The following EXOC6 variants were observed in gnomAD, a reference collection of about 807,000 sequenced individuals.
The protein encoded by EXOC6 is exocyst complex component 6.
EXOC6 carries 60 observed loss-of-function variants against 112.5 expected under a neutral mutation model. That is an observed-to-expected ratio of 0.53 (90% CI 0.43 to 0.66). EXOC6 has a LOEUF of 0.66. Ranked by LOEUF, EXOC6 falls within the 30% of genes least tolerant of loss-of-function variation. EXOC6 has a pLI of 0.00. For synonymous variants in EXOC6, 295 were observed against 308.0 expected (o/e 0.96, Z 0.44); for missense variants, 855 against 957.1 (o/e 0.89, Z 1.41).
At chr10:93,016,753 A>G (rs1844538999) in intron 20 of EXOC6, among the ~76,000 whole-genome samples, 1 of 151,784 alleles carries the variant, frequency 6.6e-6, no homozygotes, top group South Asian at 2.1e-4. Flanking sequence ...TTATTATGTT[A>G]TTATATGTCA....
At chr10:92,879,607 TGAA>T (rs1184276913) in intron 1 of EXOC6, among the ~76,000 whole-genome samples, 7 of 152,212 alleles carry the variant, frequency 4.6e-5, no homozygotes, top group African/African-American at 1.4e-4. Flanking sequence ...CAAATGCTGA[TGAA>T]GAAGACAAGT....
intron 1 of EXOC6, among the ~76,000 whole-genome samples, chr10:92,870,653 C>T (rs1300350632): frequency 6.6e-6 from 1 of 151,592 alleles, no homozygotes; most frequent in Non-Finnish European, 1.5e-5. Context: ...ACACTCATTT[C>T]ATTAAACAAA....
rs199835755 is a variant in EXOC6 at position 92,863,941 on chromosome 10, C to CA, written c.101+15317dup. On this transcript the variant is annotated intron_variant, in intron 1 of 21. Coordinates refer to ENST00000260762, the MANE Select transcript of EXOC6 (RefSeq NM_019053.6). ...AAAAAAAAAAAACAAAACAAAAAAA[C>CA]AAAAAAAAAAGAAAAAAAACCCAAA... 1.2e-3 allele frequency among the ~76,000 whole-genome samples: 164 copies of CA among 135,454 alleles called. No homozygotes were observed. In the East Asian group the frequency reaches 0.016, roughly 14 times the overall value. 88.9% of individuals were successfully genotyped at this position (135,454 alleles called of 152,430 possible).
At chr10:93,041,709 C>A (rs779799496) in intron 20 of EXOC6, among the ~76,000 whole-genome samples, 1 of 151,380 alleles carries the variant, frequency 6.6e-6, no homozygotes, top group Non-Finnish European at 1.5e-5. Context: ...CCACCGTGCC[C>A]GGCATTATTT....
At chr10:92,858,999 A>G (rs912844247) in intron 1 of EXOC6, among the ~76,000 whole-genome samples, 1 of 152,180 alleles carries the variant, frequency 6.6e-6, no homozygotes, top group Non-Finnish European at 1.5e-5. Flanking sequence ...TCCTGACCTC[A>G]GGTGATCCAC....
At chr10:92,877,530 A>C (rs1848733996) in intron 1 of EXOC6, among the ~76,000 whole-genome samples, 1 of 152,158 alleles carries the variant, frequency 6.6e-6, no homozygotes, top group African/African-American at 2.4e-5. Context: ...GCAAAGCACT[A>C]ATACAGATGG....
chr10:92,979,341 T>C (rs1470263829), intron 18 of EXOC6, among the ~76,000 whole-genome samples: 1 of 152,184 alleles, frequency 6.6e-6, no homozygotes, highest in Non-Finnish European at 1.5e-5. Flanking sequence ...AATATTTTCT[T>C]AGTCAAAGAT....
At chr10:92,996,980 T>G (rs1357260728) in intron 18 of EXOC6, among the ~76,000 whole-genome samples, 1 of 152,164 alleles carries the variant, frequency 6.6e-6, no homozygotes, top group African/African-American at 2.4e-5. Flanking sequence ...GGACTTATGA[T>G]TCAAAGGGTA....
chr10:92,981,803 G>C (rs1325938126), intron 18 of EXOC6, among the ~76,000 whole-genome samples: 3 of 152,076 alleles, frequency 2.0e-5, no homozygotes, highest in Admixed American at 6.6e-5. Flanking sequence ...AATGGAAGTG[G>C]TATGATGGAC....
intron 1 of EXOC6, among the ~76,000 whole-genome samples, chr10:92,864,780 C>T (rs753325049): frequency 2.6e-5 from 4 of 152,018 alleles, no homozygotes; most frequent in African/African-American, 7.2e-5. Flanking sequence ...GGGGCTTACA[C>T]GAGCAGCCCC....
At chr10:92,952,187 G>A (rs981656344) in intron 14 of EXOC6, 86 bp from the exon 15 acceptor site, 1 of 772,246 alleles carries the variant, frequency 1.3e-6, no homozygotes, top group Non-Finnish European at 2.2e-6. Flanking sequence ...ATTCAAGTGT[G>A]AAATCAATTT....
In EXOC6 at chr10:92,878,876, TA is replaced by T. The variant is rs530123115; in HGVS notation, c.102-14471del. Among the ~76,000 whole-genome samples, 508 of 152,342 alleles carry T rather than the reference TA, an allele frequency of 3.3e-3. 4 individuals are homozygous for T. Among genetic ancestry groups the T allele is most frequent in the Non-Finnish European group, 6.4e-3 (435 of 68,042 alleles). On this transcript the variant is annotated intron_variant, in intron 1 of 21. Coordinates refer to ENST00000260762, the MANE Select transcript of EXOC6 (RefSeq NM_019053.6). ...TTTTAAGAACTTCATTTTTAATTTG[TA>T]ATAAGAGCTTATCACTTTTTTCCAA... is the stretch of plus-strand genomic sequence containing the variant.
At chr10:92,981,341 G>T (rs1251040703) in intron 18 of EXOC6, among the ~76,000 whole-genome samples, 1 of 152,120 alleles carries the variant, frequency 6.6e-6, no homozygotes, top group Non-Finnish European at 1.5e-5. Flanking sequence ...CCCAGCACTG[G>T]TCTGTTTCTG....
At chr10:92,898,176 T>C (rs747363180) in intron 4 of EXOC6, among the ~76,000 whole-genome samples, 4 of 151,740 alleles carry the variant, frequency 2.6e-5, no homozygotes, top group African/African-American at 7.3e-5. Context: ...CCCAGCACTT[T>C]AGGAGGCTGA....
intron 16 of EXOC6, among the ~76,000 whole-genome samples, chr10:92,955,005 A>G (rs762681576): frequency 6.6e-6 from 1 of 152,098 alleles, no homozygotes; most frequent in Non-Finnish European, 1.5e-5. Context: ...CAGCCTGGGC[A>G]ATATAGTGAG....
At chr10:93,031,526 T>G (rs1845274483) in intron 20 of EXOC6, among the ~76,000 whole-genome samples, 1 of 148,372 alleles carries the variant, frequency 6.7e-6, no homozygotes, top group Admixed American at 6.7e-5. Context: ...TTTTTTTTTT[T>G]TTTTGAGCAG....
At chr10:93,012,672 T>C (rs1297336226) in intron 19 of EXOC6, among the ~76,000 whole-genome samples, 2 of 152,306 alleles carry the variant, frequency 1.3e-5, no homozygotes, top group Middle Eastern at 3.4e-3. Context: ...TTGCTTTTGT[T>C]ATTCCAAGAA....
At chr10:92,938,673 A>G (rs1852489485) in intron 12 of EXOC6, among the ~76,000 whole-genome samples, 1 of 152,192 alleles carries the variant, frequency 6.6e-6, no homozygotes, top group Non-Finnish European at 1.5e-5. Context: ...TACCCAATAC[A>G]TGTTGGCAGA....
At chr10:92,971,051 A>AT (rs1053465648) in intron 17 of EXOC6, among the ~76,000 whole-genome samples, 4 of 151,510 alleles carry the variant, frequency 2.6e-5, no homozygotes, top group South Asian at 2.1e-4. Flanking sequence ...TTCTTTAGTG[A>AT]TTTTTTTTCT....
Sources: allele counts gnomAD v4.1 joint callset (sites outside exome capture counted in the v4.1 genomes callset), GRCh38; gene constraint gnomAD v4.1.1; transcripts MANE v1.5; gene names NCBI Gene and HGNC (gene_info 2026-07-23, HGNC 2026-07-21).